The following RBM47 variants were observed in gnomAD, a reference collection of about 807,000 sequenced individuals.
RBM47 encodes RNA-binding protein 47.
A neutral mutation model predicts 47.1 loss-of-function variants in RBM47; 21 were observed. The observed-to-expected ratio is 0.45, with a 90% CI of 0.32 to 0.64. The LOEUF (loss-of-function observed/expected upper bound fraction) is 0.64, where lower values mean the gene tolerates loss of function less well. Ranked by LOEUF, RBM47 falls within the 30% of genes least tolerant of loss-of-function variation. The pLI is 0.05. For synonymous variants in RBM47, 375 were observed against 361.7 expected (o/e 1.04, Z -0.42); for missense variants, 708 against 870.9 (o/e 0.81, Z 2.35).
chr4:40,620,447 G>A (rs1322330792), intron 1 of RBM47, among the ~76,000 whole-genome samples: 2 of 152,082 alleles, frequency 1.3e-5, no homozygotes, highest in Non-Finnish European at 2.9e-5. Flanking sequence ...GGAGGTTGCA[G>A]TGAGCCGAGA....
chr4:40,533,929 C>T (rs552524963), intron 2 of RBM47, among the ~76,000 whole-genome samples: 1 of 151,934 alleles, frequency 6.6e-6, no homozygotes, highest in Non-Finnish European at 1.5e-5. Context: ...GATTCTCCTG[C>T]CTCAGCCTCC....
At chr4:40,456,188 G>A (rs1159009190) in intron 3 of RBM47, among the ~76,000 whole-genome samples, 7 of 152,046 alleles carry the variant, frequency 4.6e-5, no homozygotes, top group Admixed American at 3.3e-4. Context: ...AATGTAGTAG[G>A]CCCTAAATAT....
intron 2 of RBM47, among the ~76,000 whole-genome samples, chr4:40,475,161 A>G (rs1466252910): frequency 6.6e-6 from 1 of 152,222 alleles, no homozygotes; most frequent in Non-Finnish European, 1.5e-5. Flanking sequence ...AACAATGATA[A>G]AAGTCTTCTT....
chr4:40,463,580 T>C lies in RBM47; in HGVS notation c.-32+2997A>G, dbSNP rs565199869. Among the ~76,000 whole-genome samples the C allele has an allele frequency of 3.9e-5, 6 of 152,218 alleles. No individual in the cohort carries two copies. The South Asian group carries it at 1.2e-3, about 32-fold the overall frequency. ...TAATAATAAATATTCAGTGAATGAA[T>C]GTAGGCCTCACATATCTTTTTCCCA... On this transcript the variant is annotated intron_variant, in intron 3 of 6. Transcript: ENST00000295971.
At chr4:40,532,539 C>T (rs1167647459) in intron 2 of RBM47, among the ~76,000 whole-genome samples, 1 of 151,574 alleles carries the variant, frequency 6.6e-6, no homozygotes, top group Non-Finnish European at 1.5e-5. Context: ...TCTTGATCTC[C>T]TGACCTCATG....
intron 1 of RBM47, among the ~76,000 whole-genome samples, chr4:40,589,575 T>G (rs1295545202): frequency 6.6e-6 from 1 of 152,086 alleles, no homozygotes; most frequent in Non-Finnish European, 1.5e-5. Flanking sequence ...TAGCTGGGAT[T>G]ACGAGCACAC....
chr4:40,628,054 A>T lies in RBM47; in HGVS notation c.-240+1342T>A, dbSNP rs533052755. Reference sequence around the variant, plus strand: ...CCTACCTAGCCAGGTAAAGGACGGCACAGCTAGGCTTATTTCTTCATTTGA... The same window carrying T: ...CCTACCTAGCCAGGTAAAGGACGGCTCAGCTAGGCTTATTTCTTCATTTGA... On this transcript the variant is annotated intron_variant, in intron 1 of 6. Coordinates refer to ENST00000295971, the MANE Select transcript of RBM47 (RefSeq NM_001098634.2). The surrounding 1 kb of genome is among the most constrained non-coding windows in gnomAD (Gnocchi z 4.0). 1.4e-4 allele frequency among the ~76,000 whole-genome samples: 22 copies of T among 152,356 alleles called. 1 individual carries two copies. Among genetic ancestry groups the T allele is most frequent in the African/African-American group, 4.3e-4 (18 of 41,576 alleles).
intron 2 of RBM47, among the ~76,000 whole-genome samples, chr4:40,494,461 A>G (rs1447777238): frequency 5.3e-5 from 8 of 152,166 alleles, no homozygotes; most frequent in Admixed American, 4.6e-4. Flanking sequence ...TAAATCTACC[A>G]CTTAATGAGT....
intron 1 of RBM47, among the ~76,000 whole-genome samples, chr4:40,617,002 A>C (rs1174880414): frequency 6.8e-6 from 1 of 148,068 alleles, no homozygotes; most frequent in Non-Finnish European, 1.5e-5. Flanking sequence ...CAGCCTCCCG[A>C]GTAGCTAGGA....
At chr4:40,552,849 T>C (rs572394282) in intron 1 of RBM47, among the ~76,000 whole-genome samples, 3 of 152,358 alleles carry the variant, frequency 2.0e-5, no homozygotes, top group Non-Finnish European at 2.9e-5. Context: ...CGGCCCCACC[T>C]GGAATTTCCT....
chr4:40,496,527 T>C (rs908175321), intron 2 of RBM47, among the ~76,000 whole-genome samples: 4 of 152,106 alleles, frequency 2.6e-5, no homozygotes, highest in Admixed American at 2.6e-4. Context: ...TATCCAACCA[T>C]TGCAATTGTT....
chr4:40,488,366 A>T (rs1721410183), intron 2 of RBM47, among the ~76,000 whole-genome samples: 1 of 150,002 alleles, frequency 6.7e-6, no homozygotes, highest in Non-Finnish European at 1.5e-5. Context: ...AAGGGGGAGA[A>T]CTTGAGACGC....
chr4:40,538,328 G>T (rs866443326), intron 2 of RBM47, among the ~76,000 whole-genome samples: 102 of 125,770 alleles, frequency 8.1e-4, no homozygotes, highest in African/African-American at 2.4e-3. Flanking sequence ...TATTGGTATT[G>T]TTTTTTTTTT....
intron 1 of RBM47, among the ~76,000 whole-genome samples, chr4:40,601,891 G>A (rs370047081): frequency 3.0e-4 from 46 of 152,290 alleles, no homozygotes; most frequent in African/African-American, 7.9e-4. Context: ...TCTCTGGGTC[G>A]GGCGTGGTGG....
chr4:40,500,034 GC>G (rs1723126687), intron 2 of RBM47, among the ~76,000 whole-genome samples: 1 of 152,208 alleles, frequency 6.6e-6, no homozygotes, highest in South Asian at 2.1e-4. Flanking sequence ...TAAAAAATAG[GC>G]CGGGCGCAGT....
intron 1 of RBM47, among the ~76,000 whole-genome samples, chr4:40,599,807 G>A (rs1560497732): frequency 6.6e-6 from 1 of 151,650 alleles, no homozygotes; most frequent in African/African-American, 2.4e-5. Flanking sequence ...CCCAGGTAAT[G>A]CACATGTAGC....
At chr4:40,470,967 G>A (rs776685025) in intron 2 of RBM47, among the ~76,000 whole-genome samples, 5 of 151,964 alleles carry the variant, frequency 3.3e-5, no homozygotes, top group Admixed American at 6.6e-5. Flanking sequence ...GGTCCTGAAC[G>A]CCTGACCTCA....
At chr4:40,468,184 G>A (rs1718331008) in intron 2 of RBM47, among the ~76,000 whole-genome samples, 2 of 152,164 alleles carry the variant, frequency 1.3e-5, no homozygotes, top group Admixed American at 1.3e-4. Context: ...CTACTCAGGA[G>A]GCTGAGGCAG....
chr4:40,508,115 C>G (rs1191526105), intron 2 of RBM47, among the ~76,000 whole-genome samples: 1 of 152,204 alleles, frequency 6.6e-6, no homozygotes, highest in African/African-American at 2.4e-5. Flanking sequence ...CCTCAGAAAT[C>G]GGAGGTGGCG....
Sources: gnomAD v4.1 joint callset for allele counts (sites outside exome capture counted in the v4.1 genomes callset) on GRCh38, gnomAD v4.1.1 for gene constraint, Gnocchi (gnomAD v3.1) non-coding constraint, MANE v1.5 for transcripts, NCBI Gene and HGNC (gene_info 2026-07-23, HGNC 2026-07-21) for gene names.